ANO4: variants seen among roughly 807,000 people sequenced by gnomAD.
ANO4 encodes anoctamin-4.
ANO4 carries 69 observed loss-of-function variants against 141.9 expected under a neutral mutation model. That is an observed-to-expected ratio of 0.49 (90% CI 0.40 to 0.59). ANO4 has a LOEUF of 0.59. Ranked by LOEUF, ANO4 falls within the 20% of genes least tolerant of loss-of-function variation. ANO4 has a pLI of 0.00. For synonymous variants in ANO4, 350 were observed against 394.3 expected (o/e 0.89, Z 1.33); for missense variants, 894 against 1,162.2 (o/e 0.77, Z 3.36).
At position 101,079,339 on chromosome 12, in the gene ANO4, C is replaced by T. The variant is rs923556673; in HGVS notation, c.1395+64C>T. The T allele has an allele frequency of 4.4e-6, 6 of 1,350,538 alleles. No individual in the cohort carries two copies. In the South Asian group the frequency reaches 6.0e-5, roughly 13 times the overall value. The allele number at this position is 1,350,538 out of a possible 1,614,324, so 83.7% of individuals were successfully genotyped here. On this transcript the variant is annotated intron_variant, in intron 15 of 27. Coordinates refer to ENST00000392977, the MANE Select transcript of ANO4 (RefSeq NM_001286615.2). Reference sequence around the variant, plus strand: ...TCACCCAGAACCACACGACCCCCCCCCAAAATTGTCACTCTCTGTTCTGTG... The same window carrying T: ...TCACCCAGAACCACACGACCCCCCCTCAAAATTGTCACTCTCTGTTCTGTG...
chr12:100,939,856 T>G (rs1157355742), intron 4 of ANO4, among the ~76,000 whole-genome samples: 5 of 152,178 alleles, frequency 3.3e-5, no homozygotes, highest in African/African-American at 4.8e-5. Flanking sequence ...TGAGTTTCCA[T>G]TTGCCTCTGT....
intron 2 of ANO4, among the ~76,000 whole-genome samples, chr12:100,914,882 A>G (rs775220500): frequency 6.6e-6 from 1 of 152,142 alleles, no homozygotes; most frequent in Non-Finnish European, 1.5e-5. Context: ...TGGCATGATC[A>G]TAGCTCACTT....
At chr12:100,872,923 G>A (rs1287438650) in intron 1 of ANO4, among the ~76,000 whole-genome samples, 1 of 152,146 alleles carries the variant, frequency 6.6e-6, no homozygotes, top group Admixed American at 6.5e-5. Flanking sequence ...ATTTGATCAT[G>A]GGGGCGGATT....
At chr12:100,820,658 A>G (rs988423483) in intron 1 of ANO4, among the ~76,000 whole-genome samples, 13 of 152,130 alleles carry the variant, frequency 8.5e-5, no homozygotes, top group Admixed American at 4.6e-4. Flanking sequence ...TCAAAACAAA[A>G]CGAGTGCATA....
rs530038617 is a variant in ANO4, at chr12:101,052,110, G to A, written c.1312+3709G>A. Among the ~76,000 whole-genome samples, 25 of 152,226 alleles carry A rather than the reference G, an allele frequency of 1.6e-4. No homozygotes were observed. The South Asian group carries it at 5.2e-3, about 32-fold the overall frequency. ...GTGTTCATTTTGTTACCTTTGCTTT[G>A]TGTGTTCACCGGAAAAAAATAATAA... On this transcript the variant is annotated intron_variant, in intron 14 of 27. Transcript: ENST00000392977.
At chr12:101,089,510 A>C (rs538605111) in intron 17 of ANO4, among the ~76,000 whole-genome samples, 1 of 152,178 alleles carries the variant, frequency 6.6e-6, no homozygotes, top group Non-Finnish European at 1.5e-5. Context: ...TGGAATACAC[A>C]TTGTAGGTAG....
chr12:101,068,072 G>T (rs1246108222), intron 14 of ANO4, among the ~76,000 whole-genome samples: 1 of 152,164 alleles, frequency 6.6e-6, no homozygotes, highest in African/African-American at 2.4e-5. Context: ...GATAAACTGG[G>T]CAAATGATTG....
intron 1 of ANO4, among the ~76,000 whole-genome samples, chr12:100,810,819 T>C (rs1448359056): frequency 6.6e-6 from 1 of 152,158 alleles, no homozygotes; most frequent in African/African-American, 2.4e-5. Flanking sequence ...GCAGTCCATA[T>C]GGTCAATAGG....
chr12:100,777,269 CTTTTTTTTTTT>C (rs71091463), intron 3 of ANO4, among the ~76,000 whole-genome samples: 25 of 50,618 alleles, frequency 4.9e-4, no homozygotes, highest in East Asian at 1.2e-3. Context: ...ATTTTTGTAT[CTTTTTTTTTTT>C]TTTTTTTTTT....
intron 3 of ANO4, among the ~76,000 whole-genome samples, chr12:100,768,292 G>T (rs936080854): frequency 6.6e-6 from 1 of 152,188 alleles, no homozygotes. Flanking sequence ...TGCTGGCTGG[G>T]CTTGGGAGAA....
chr12:101,049,938 T>C (rs138890904), intron 14 of ANO4, among the ~76,000 whole-genome samples: 60 of 152,262 alleles, frequency 3.9e-4, no homozygotes, highest in Non-Finnish European at 7.5e-4. Context: ...GCCACCCAGA[T>C]TCTTATTCTC....
chr12:100,792,917 A>G (rs2034100489), upstream of ANO4, among the ~76,000 whole-genome samples: 1 of 152,236 alleles, frequency 6.6e-6, no homozygotes. Context: ...CTCATATATT[A>G]ATTCGATTTC....
At chr12:100,802,173 T>C (rs1257029398) in intron 1 of ANO4, among the ~76,000 whole-genome samples, 2 of 152,114 alleles carry the variant, frequency 1.3e-5, no homozygotes, top group Non-Finnish European at 2.9e-5. Flanking sequence ...ACCCCCTGGG[T>C]CTTTGGTGCT....
chr12:101,060,890 ATAT>A lies in ANO4; in HGVS notation c.1312+12491_1312+12493del, dbSNP rs1388228254. Among the ~76,000 whole-genome samples, 10 of 152,114 alleles carry A rather than the reference ATAT, an allele frequency of 6.6e-5. No individual in the cohort carries two copies. In the South Asian group the frequency reaches 2.1e-3, roughly 32 times the overall value. Reference sequence around the variant, plus strand: ...TTTAGCCCATTTACATTTAAGGATAATATTGTTATGTGTGAATTTGATCCTATC... The same window carrying A: ...TTTAGCCCATTTACATTTAAGGATAATGTTATGTGTGAATTTGATCCTATC... On this transcript the variant is annotated intron_variant, in intron 14 of 27. Coordinates refer to ENST00000392977, the MANE Select transcript of ANO4 (RefSeq NM_001286615.2).
chr12:100,954,326 C>T (rs972534298), intron 5 of ANO4, among the ~76,000 whole-genome samples: 17 of 152,234 alleles, frequency 1.1e-4, no homozygotes, highest in Admixed American at 4.6e-4. Context: ...TCACAGGTGC[C>T]GGCGTGGAAG....
intron 3 of ANO4, among the ~76,000 whole-genome samples, chr12:100,926,877 G>A (rs557652238): frequency 3.3e-5 from 5 of 152,182 alleles, no homozygotes; most frequent in African/African-American, 1.2e-4. Context: ...GAAAGGGAGG[G>A]AATGGCTATG....
intron 1 of ANO4, among the ~76,000 whole-genome samples, chr12:100,864,949 G>C (rs1357236065): frequency 6.6e-6 from 1 of 152,096 alleles, no homozygotes; most frequent in African/African-American, 2.4e-5. Flanking sequence ...TTGGTTTTCT[G>C]TTCCTGTGTT....
At chr12:100,953,285 A>C (rs74491331) in intron 5 of ANO4, among the ~76,000 whole-genome samples, 2 of 152,360 alleles carry the variant, frequency 1.3e-5, no homozygotes, top group Middle Eastern at 3.4e-3. Context: ...CATTAATGGC[A>C]TGGAGAGATT....
At chr12:100,904,053 C>A (rs1056231431) in intron 2 of ANO4, among the ~76,000 whole-genome samples, 1 of 152,188 alleles carries the variant, frequency 6.6e-6, no homozygotes, top group East Asian at 1.9e-4. Context: ...AATTACTTGT[C>A]TATCCGTCCA....
Sources: gnomAD v4.1 joint callset for allele counts (sites outside exome capture counted in the v4.1 genomes callset) on GRCh38, gnomAD v4.1.1 for gene constraint, MANE v1.5 for transcripts, NCBI Gene and HGNC (gene_info 2026-07-23, HGNC 2026-07-21) for gene names.